DLG2: variants seen among roughly 807,000 people sequenced by gnomAD.
DLG2 encodes the protein discs large MAGUK scaffold protein 2, also known as disks large homolog 2.
A neutral mutation model predicts 132.5 loss-of-function variants in DLG2; 45 were observed. The ratio of observed to expected loss-of-function variants is 0.34; its 90% CI spans 0.27 to 0.44. The LOEUF (loss-of-function observed/expected upper bound fraction) is 0.44, where lower values mean the gene tolerates loss of function less well. Among genes scored for constraint, DLG2 ranks in the 20% least tolerant of loss-of-function variants. The pLI is 1.00. For synonymous variants in DLG2, 424 were observed against 419.6 expected (o/e 1.01, Z -0.13); for missense variants, 1,045 against 1,196.9 (o/e 0.87, Z 1.87).
At chr11:83,620,787 G>A (rs1242138905) in intron 19 of DLG2, among the ~76,000 whole-genome samples, 5 of 140,836 alleles carry the variant, frequency 3.6e-5, no homozygotes, top group South Asian at 2.2e-4. Flanking sequence ...GGAGAATGGC[G>A]TGAACCCAGG....
chr11:84,103,184 G>A (rs373883337), intron 9 of DLG2, among the ~76,000 whole-genome samples: 1 of 152,084 alleles, frequency 6.6e-6, no homozygotes, highest in African/African-American at 2.4e-5. Flanking sequence ...TCCCTTTATT[G>A]TTCTCTTCCA....
At chr11:83,669,388 G>A (rs756425669) in intron 18 of DLG2, among the ~76,000 whole-genome samples, 1 of 152,098 alleles carries the variant, frequency 6.6e-6, no homozygotes, top group Non-Finnish European at 1.5e-5. Flanking sequence ...CATGGAAGGT[G>A]TACTCCATCT....
intron 7 of DLG2, among the ~76,000 whole-genome samples, chr11:84,284,682 T>A (rs2097890180): frequency 6.6e-6 from 1 of 152,202 alleles, no homozygotes; most frequent in Non-Finnish European, 1.5e-5. Context: ...AGATGAAGTG[T>A]GTCTTCACCA....
chr11:83,938,434 C>T (rs551820071), intron 14 of DLG2, among the ~76,000 whole-genome samples: 5 of 152,170 alleles, frequency 3.3e-5, no homozygotes, highest in East Asian at 1.9e-4. Flanking sequence ...GGTAACAGCA[C>T]GTGCAGATTT....
chr11:84,413,774 T>G (rs1240717658), intron 7 of DLG2, among the ~76,000 whole-genome samples: 1 of 152,206 alleles, frequency 6.6e-6, no homozygotes, highest in Admixed American at 6.5e-5. Flanking sequence ...GGCAGCTCAG[T>G]GAACCTTTCC....
At chr11:83,943,347 A>T (rs2083093007) in intron 14 of DLG2, among the ~76,000 whole-genome samples, 1 of 152,234 alleles carries the variant, frequency 6.6e-6, no homozygotes, top group Non-Finnish European at 1.5e-5. Flanking sequence ...GGTACTTTTC[A>T]ATTCAGCCCC....
At chr11:84,257,442 T>A (rs896997) in intron 7 of DLG2, among the ~76,000 whole-genome samples, 128,012 of 152,120 alleles carry the variant, frequency 0.84, 54,541 homozygotes, top group Non-Finnish European at 0.93. Context: ...TAATAATAAG[T>A]GTATGTACTT....
At chr11:84,265,094 ATTAAT>A (rs2097599718) in intron 7 of DLG2, among the ~76,000 whole-genome samples, 2 of 152,204 alleles carry the variant, frequency 1.3e-5, no homozygotes, top group Admixed American at 6.5e-5. Flanking sequence ...GTCTTAGCTA[ATTAAT>A]TTAATCTCTC....
intron 11 of DLG2, among the ~76,000 whole-genome samples, chr11:84,020,289 CA>C (rs1182735476): frequency 6.6e-6 from 1 of 151,900 alleles, no homozygotes; most frequent in Non-Finnish European, 1.5e-5. Flanking sequence ...TGCACTGAAA[CA>C]GAAAAGGAAT....
chr11:84,318,940 A>G (rs920535812), intron 7 of DLG2, among the ~76,000 whole-genome samples: 2 of 152,222 alleles, frequency 1.3e-5, no homozygotes, highest in Non-Finnish European at 2.9e-5. Flanking sequence ...AAATAGAGAA[A>G]TGAAGGAGTT....
chr11:85,036,490 T>A (rs1257869748), intron 6 of DLG2, among the ~76,000 whole-genome samples: 1 of 152,160 alleles, frequency 6.6e-6, no homozygotes, highest in African/African-American at 2.4e-5. Flanking sequence ...AAATAGAAAC[T>A]ATTGATAATT....
intron 5 of DLG2, among the ~76,000 whole-genome samples, chr11:85,133,640 AAATG>A (rs536513806): frequency 2.6e-3 from 393 of 152,326 alleles, no homozygotes; most frequent in Non-Finnish European, 3.7e-3. Context: ...CTGAACATAT[AAATG>A]AATATTATGA....
intron 4 of DLG2, among the ~76,000 whole-genome samples, chr11:85,182,997 A>C (rs1337620466): frequency 1.3e-5 from 2 of 151,656 alleles, no homozygotes; most frequent in Non-Finnish European, 3.0e-5. Flanking sequence ...GCACAGAGAA[A>C]GAACAAGATC....
At chr11:85,034,912 G>T (rs1427101931) in intron 6 of DLG2, among the ~76,000 whole-genome samples, 1 of 151,952 alleles carries the variant, frequency 6.6e-6, no homozygotes, top group African/African-American at 2.4e-5. Context: ...ATCTATTGAA[G>T]CATCTGCATT....
intron 6 of DLG2, among the ~76,000 whole-genome samples, chr11:85,102,754 G>A (rs1445532341): frequency 6.6e-6 from 1 of 151,818 alleles, no homozygotes; most frequent in Non-Finnish European, 1.5e-5. Context: ...ATTTAACATT[G>A]TACTGAAGAT....
chr11:84,345,799 T>C (rs555255565), intron 7 of DLG2, among the ~76,000 whole-genome samples: 92 of 152,340 alleles, frequency 6.0e-4, no homozygotes, highest in Non-Finnish European at 1.1e-3. Flanking sequence ...TAAAGATTTA[T>C]TGGAACATGG....
intron 7 of DLG2, among the ~76,000 whole-genome samples, chr11:84,530,310 A>C (rs750375554): frequency 6.6e-6 from 1 of 152,212 alleles, no homozygotes; most frequent in Non-Finnish European, 1.5e-5. Context: ...AATTAAACTT[A>C]AGAGCTTCTA....
intron 4 of DLG2, among the ~76,000 whole-genome samples, chr11:85,197,913 CTTAG>C (rs937652508): frequency 1.3e-5 from 2 of 152,250 alleles, no homozygotes; most frequent in East Asian, 1.9e-4. Context: ...CAGCTAAAAT[CTTAG>C]TTATACTACA....
chr11:83,891,164 T>A (rs913559417), intron 15 of DLG2, among the ~76,000 whole-genome samples: 2 of 152,098 alleles, frequency 1.3e-5, no homozygotes, highest in Non-Finnish European at 2.9e-5. Context: ...GCCATGGATA[T>A]TCCTAGAAAG....
Sources: allele counts gnomAD v4.1 joint callset (sites outside exome capture counted in the v4.1 genomes callset), GRCh38; gene constraint gnomAD v4.1.1; transcripts MANE v1.5; gene names NCBI Gene and HGNC (gene_info 2026-07-23, HGNC 2026-07-21).